Variants in CUL1 observed in about 807,000 individuals in gnomAD.
CUL1 encodes cullin 1.
CUL1 carries 24 observed loss-of-function variants against 118.0 expected under a neutral mutation model. The observed-to-expected ratio is 0.20, with a 90% CI of 0.15 to 0.29. The LOEUF is 0.29. Ranked by LOEUF, CUL1 falls within the 10% of genes least tolerant of loss-of-function variation. The pLI, the probability that CUL1 is intolerant of heterozygous loss-of-function variation, is 1.00. For missense variants in CUL1, 361 were observed against 933.8 expected (o/e 0.39, Z 7.99); for synonymous variants, 332 against 340.4 (o/e 0.98, Z 0.27).
At chr7:148,735,923 C>T (rs1048010292) in intron 2 of CUL1, among the ~76,000 whole-genome samples, 3 of 151,316 alleles carry the variant, frequency 2.0e-5, no homozygotes, top group Admixed American at 6.6e-5. Flanking sequence ...CTTTAATTCC[C>T]GGAATTTGGG....
intron 17 of CUL1, among the ~76,000 whole-genome samples, chr7:148,797,395 CAAAAAA>C (rs5888340): frequency 8.3e-6 from 1 of 120,500 alleles, no homozygotes; most frequent in Admixed American, 8.5e-5. Flanking sequence ...ACATGATGCT[CAAAAAA>C]AAAAAAAAAA....
At chr7:148,735,346 C>A (rs909231272) in intron 2 of CUL1, among the ~76,000 whole-genome samples, 2 of 152,240 alleles carry the variant, frequency 1.3e-5, no homozygotes, top group Admixed American at 6.5e-5. Flanking sequence ...TCTGCACCTG[C>A]CAGTTGAGCA....
intron 17 of CUL1, among the ~76,000 whole-genome samples, chr7:148,795,788 AG>A (rs1801178530): frequency 1.3e-5 from 2 of 150,596 alleles, no homozygotes; most frequent in South Asian, 2.1e-4. Flanking sequence ...AAAAAAAAAA[AG>A]GTACAACTAA....
intron 16 of CUL1, among the ~76,000 whole-genome samples, chr7:148,790,917 T>G (rs1800981885): frequency 6.6e-6 from 1 of 152,198 alleles, no homozygotes; most frequent in African/African-American, 2.4e-5. Context: ...CTAAGAATAT[T>G]TCCATTTCTT....
At chr7:148,723,709 A>C (rs1271293162) in intron 1 of CUL1, among the ~76,000 whole-genome samples, 1 of 151,206 alleles carries the variant, frequency 6.6e-6, no homozygotes, top group Non-Finnish European at 1.5e-5. Flanking sequence ...GAGGTATATC[A>C]TTTTTAAATG....
chr7:148,781,456 G>C (rs538349627), intron 9 of CUL1, among the ~76,000 whole-genome samples: 2 of 152,294 alleles, frequency 1.3e-5, no homozygotes, highest in East Asian at 1.9e-4. Flanking sequence ...GACTGCTGTA[G>C]TTGAAAGAAT....
Position 148,798,557 on chromosome 7 carries a change from C to T in CUL1, c.2031-15C>T, listed in dbSNP as rs751706877. 1 of 1,590,260 alleles carries T rather than the reference C, an allele frequency of 6.3e-7. No individual in the cohort carries two copies. ...TTAATATAATAGTGATCGGTTTCCT[C>T]ATTTTTCTTGATAGTAAGAAATTAA... is the stretch of plus-strand genomic sequence containing the variant. On this transcript the variant is annotated splice_polypyrimidine_tract_variant and intron_variant, in intron 19 of 21. Transcript: ENST00000325222.
At chr7:148,724,291 T>G (rs1798487737) in intron 1 of CUL1, among the ~76,000 whole-genome samples, 1 of 152,240 alleles carries the variant, frequency 6.6e-6, no homozygotes, top group Non-Finnish European at 1.5e-5. Flanking sequence ...TCTGTTGGCT[T>G]TCATCTTCTT....
chr7:148,799,184 G>C (rs11979066), intron 20 of CUL1, 91 bp from the exon 21 acceptor site: 3 of 910,692 alleles, frequency 3.3e-6, no homozygotes, highest in Non-Finnish European at 5.2e-6. Context: ...GTGCATAGGC[G>C]TCGGCAGCCT....
chr7:148,747,613 C>T (rs766740265), intron 2 of CUL1, among the ~76,000 whole-genome samples: 3 of 152,098 alleles, frequency 2.0e-5, no homozygotes, highest in South Asian at 2.1e-4. Flanking sequence ...TAATAATCAT[C>T]GACCTACTCT....
intron 1 of CUL1, among the ~76,000 whole-genome samples, chr7:148,707,686 G>A (rs1406675929): frequency 4.6e-5 from 7 of 151,946 alleles, no homozygotes; most frequent in South Asian, 2.1e-4. Context: ...TGCCCTTCCC[G>A]GTGTCCATGG....
chr7:148,717,304 G>T (rs1159545334), intron 1 of CUL1, among the ~76,000 whole-genome samples: 1 of 152,186 alleles, frequency 6.6e-6, no homozygotes, highest in Non-Finnish European at 1.5e-5. Context: ...TGATCTGCCT[G>T]CCTGAGCCTT....
rs534720452 is a variant in CUL1 at position 148,785,778 on chromosome 7, T to C, written c.1299-773T>C. Among the ~76,000 whole-genome samples, 182 of 152,220 alleles carry C rather than the reference T, an allele frequency of 1.2e-3. 4 individuals carry two copies. The South Asian group carries it at 0.036, about 30-fold the overall frequency. On this transcript the variant is annotated intron_variant, in intron 11 of 21. Coordinates refer to ENST00000325222, the MANE Select transcript of CUL1 (RefSeq NM_003592.3). ...CAGAGACATTTCCACAGCACCTCTT[T>C]AATGAGCGTGTGTTGGGTGAGTGGA...
rs369309067 is a variant in CUL1, at chr7:148,708,518, A to G, written c.-162+9489A>G. Among the ~76,000 whole-genome samples the G allele has an allele frequency of 4.6e-5, 7 of 152,324 alleles. No individual in the cohort carries two copies. In the East Asian group the frequency reaches 7.7e-4, roughly 17 times the overall value. On this transcript the variant is annotated intron_variant, in intron 1 of 21. Transcript: ENST00000325222. ...GCAGTGCGCTGCTGATTGCTGCTTCATTCAGGACTTGCCTGGCTTCCTTGA... is the reference window on the plus strand; with the variant it reads ...GCAGTGCGCTGCTGATTGCTGCTTCGTTCAGGACTTGCCTGGCTTCCTTGA...
intron 2 of CUL1, 88 bp downstream of exon 2, chr7:148,730,350 T>A (rs1798718851): frequency 7.3e-7 from 1 of 1,371,450 alleles, no homozygotes. Flanking sequence ...TTATATTGTT[T>A]TCTCCTCCCA....
At chr7:148,719,271 A>G (rs981557176) in intron 1 of CUL1, among the ~76,000 whole-genome samples, 11 of 152,122 alleles carry the variant, frequency 7.2e-5, no homozygotes, top group African/African-American at 2.7e-4. Context: ...AGATTGCGCC[A>G]CTGCACTCCA....
intron 11 of CUL1, 69 bp downstream of exon 11, chr7:148,784,146 A>C (rs1800743829): frequency 8.3e-7 from 1 of 1,211,024 alleles, no homozygotes; most frequent in African/African-American, 1.5e-5. Flanking sequence ...AGGAATTAAA[A>C]CCTACATTAC....
intron 9 of CUL1, chr7:148,783,516 GT>G: frequency 2.3e-6 from 3 of 1,323,922 alleles, no homozygotes; most frequent in Non-Finnish European, 2.9e-6. Context: ...ATCTCTTTGA[GT>G]TTTCACTGTT....
intron 2 of CUL1, among the ~76,000 whole-genome samples, chr7:148,738,196 C>T (rs934790292): frequency 3.3e-5 from 5 of 152,138 alleles, no homozygotes; most frequent in African/African-American, 9.7e-5. Context: ...ATACTGGCTC[C>T]GTCATCCTGC....
Sources: gnomAD v4.1 joint callset for allele counts (sites outside exome capture counted in the v4.1 genomes callset) on GRCh38, gnomAD v4.1.1 for gene constraint, MANE v1.5 for transcripts, NCBI Gene and HGNC (gene_info 2026-07-23, HGNC 2026-07-21) for gene names.